The following WFDC6 variants were observed in gnomAD, a reference collection of about 807,000 sequenced individuals.
The protein encoded by WFDC6 is WAP four-disulfide core domain 6, also known as WAP four-disulfide core domain protein 6.
WFDC6 carries 10 observed loss-of-function variants against 8.2 expected under a neutral mutation model. That is an observed-to-expected ratio of 1.22 (90% CI 0.75 to 2.07). The LOEUF (loss-of-function observed/expected upper bound fraction) is 2.07. Among genes scored for constraint, WFDC6 ranks in the 30% most tolerant of loss-of-function variants. WFDC6 has a pLI of 0.00. For missense variants in WFDC6, 105 were observed against 104.9 expected, an observed-to-expected ratio of 1.00 and a Z score of 0.00; for synonymous variants, 28 against 37.0, an observed-to-expected ratio of 0.76 and a Z score of 0.88.
chr20:45,535,274 C>A (rs770542805), intron 2 of WFDC6: 27 of 1,304,100 alleles, frequency 2.1e-5, no homozygotes, highest in Non-Finnish European at 2.7e-5. Flanking sequence ...TATTGTACCA[C>A]CAGTGTGGTA....
intron 1 of WFDC6, among the ~76,000 whole-genome samples, chr20:45,539,017 T>G (rs1979480730): frequency 6.6e-6 from 1 of 152,136 alleles, no homozygotes; most frequent in African/African-American, 2.4e-5. Flanking sequence ...CTGTTTTTCT[T>G]GTGGGAGACT....
chr20:45,537,862 G>A, intron 2 of WFDC6, 102 bp downstream of exon 2: 1 of 1,579,254 alleles, frequency 6.3e-7, no homozygotes. Flanking sequence ...CTAAACTCTT[G>A]GTCAGAGACC....
At chr20:45,535,097 C>A in intron 2 of WFDC6, 2 of 1,262,986 alleles carry the variant, frequency 1.6e-6, no homozygotes, top group Non-Finnish European at 1.0e-6. Flanking sequence ...AATAGACCAG[C>A]CAACACCCAG....
intron 2 of WFDC6, chr20:45,537,431 A>G (rs777806648): frequency 1.7e-6 from 2 of 1,158,850 alleles, no homozygotes; most frequent in Non-Finnish European, 2.5e-6. Flanking sequence ...GAATGAATAG[A>G]ATGAACGAAT....
At chr20:45,535,307 C>T (rs1600869479) in intron 2 of WFDC6, 1 of 1,303,976 alleles carries the variant, frequency 7.7e-7, no homozygotes. Context: ...AGGGGCCAGC[C>T]TCCTGTGGCA....
intron 2 of WFDC6, chr20:45,537,696 T>C (rs1979419753): frequency 1.8e-6 from 2 of 1,127,174 alleles, no homozygotes; most frequent in South Asian, 2.8e-5. Flanking sequence ...GACCATGTGG[T>C]CCATTATCCA....
intron 2 of WFDC6, chr20:45,535,333 C>T: frequency 7.7e-7 from 1 of 1,301,488 alleles, no homozygotes; most frequent in South Asian, 1.2e-5. Context: ...CATATATCTG[C>T]AGGGAGATCG....
chr20:45,535,840 C>T (rs1405533852), intron 2 of WFDC6, among the ~76,000 whole-genome samples: 1 of 152,192 alleles, frequency 6.6e-6, no homozygotes, highest in African/African-American at 2.4e-5. Context: ...CTTCAGAATC[C>T]ATTTTCTCCT....
intron 2 of WFDC6, among the ~76,000 whole-genome samples, chr20:45,536,328 A>G (rs1206226208): frequency 6.6e-6 from 1 of 152,114 alleles, no homozygotes; most frequent in Non-Finnish European, 1.5e-5. Context: ...CCATAGTGCT[A>G]TGAGGTACAA....
chr20:45,536,404 C>G (rs1425201479), intron 2 of WFDC6, among the ~76,000 whole-genome samples: 1 of 152,082 alleles, frequency 6.6e-6, no homozygotes, highest in Non-Finnish European at 1.5e-5. Context: ...TGATTAGTGT[C>G]AGCACAACAA....
chr20:45,537,307 C>T (rs1280739671), intron 2 of WFDC6: 2 of 582,210 alleles, frequency 3.4e-6, no homozygotes, highest in Admixed American at 2.9e-5. Flanking sequence ...AAGTACTCAT[C>T]TTTCAGATCT....
intron 2 of WFDC6, 38 bp from the exon 3 acceptor site, chr20:45,534,543 C>A (rs1979292725): frequency 6.2e-7 from 1 of 1,611,084 alleles, no homozygotes; most frequent in Admixed American, 1.7e-5. Context: ...ATGCTTGGAC[C>A]CTGACCACAT....
Position 45,534,259 on chromosome 20 carries a change from G to A in WFDC6, c.*208C>T. 1 of 625,098 alleles carries A rather than the reference G, an allele frequency of 1.6e-6. No individual in the cohort carries two copies. Among genetic ancestry groups the A allele is most frequent in the South Asian group, 1.9e-5 (1 of 51,748 alleles). The allele number at this position is 625,098 out of a possible 1,614,324, so 38.7% of individuals were successfully genotyped here. ...CTTCATACAAATAAATGGGGGGTCT[G>A]AAAGTTGAAGACATAGAGTTTCATA... On this transcript the variant is annotated 3_prime_UTR_variant, in exon 3 of 3. Transcript: ENST00000372670.
chr20:45,535,979 A>G (rs1448124649), intron 2 of WFDC6, among the ~76,000 whole-genome samples: 1 of 152,224 alleles, frequency 6.6e-6, no homozygotes, highest in Non-Finnish European at 1.5e-5. Flanking sequence ...CCCTCTTGCT[A>G]AGTGAACTCT....
chr20:45,534,224 C>T lies in WFDC6; in HGVS notation c.*243G>A. ...GACCCCACAGAGCACTTTATTAAGG[C>T]AACTGAAGCCTTCATACAAATAAAT... On this transcript the variant is annotated 3_prime_UTR_variant, in exon 3 of 3. Coordinates refer to ENST00000372670, the MANE Select transcript of WFDC6 (RefSeq NM_080827.2). 1.8e-6 allele frequency: 1 copy of T among 570,294 alleles called. No homozygotes were observed. The highest frequency in any genetic ancestry group is 2.9e-5 in the East Asian group (1 of 33,958). The allele number at this position is 570,294 out of a possible 1,614,324, so 35.3% of individuals were successfully genotyped here. A position where few individuals can be genotyped will look rare whatever the true frequency, so the allele number is the denominator to read the frequency against.
chr20:45,535,422 T>C (rs1198877511), intron 2 of WFDC6: 9 of 1,190,436 alleles, frequency 7.6e-6, no homozygotes, highest in Non-Finnish European at 9.6e-6. Context: ...TCCCTTTGTC[T>C]CCACTGAGAA....
rs1979283294 is a variant in WFDC6, at chr20:45,534,228, T to A, written c.*239A>T. ...CCACAGAGCACTTTATTAAGGCAAC[T>A]GAAGCCTTCATACAAATAAATGGGG... On this transcript the variant is annotated 3_prime_UTR_variant, in exon 3 of 3. Coordinates refer to ENST00000372670, the MANE Select transcript of WFDC6 (RefSeq NM_080827.2). The A allele has an allele frequency of 1.7e-6, 1 of 577,624 alleles. No individual in the cohort carries two copies. The highest frequency in any genetic ancestry group is 2.1e-5 in the South Asian group (1 of 48,600). 35.8% of individuals were successfully genotyped at this position (577,624 alleles called of 1,614,324 possible).
Position 45,534,349 on chromosome 20 carries a change from A to G in WFDC6, c.*118T>C, listed in dbSNP as rs1453711516. The G allele has an allele frequency of 2.5e-6, 3 of 1,180,454 alleles. No individual in the cohort carries two copies. The Admixed American group carries it at 5.1e-5, about 20-fold the overall frequency. 73.1% of individuals were successfully genotyped at this position (1,180,454 alleles called of 1,614,324 possible). A position where few individuals can be genotyped will look rare whatever the true frequency, so the allele number is the denominator to read the frequency against. ...GATGCTACGCTGGAAGAAAGTGTGT[A>G]AGCAATTCCTGGGGTTCAGTTTCTG... On this transcript the variant is annotated 3_prime_UTR_variant, in exon 3 of 3. Coordinates refer to ENST00000372670, the MANE Select transcript of WFDC6 (RefSeq NM_080827.2).
chr20:45,537,641 T>C, intron 2 of WFDC6: 3 of 1,355,880 alleles, frequency 2.2e-6, no homozygotes, highest in Middle Eastern at 1.9e-4. Context: ...GATGAGACTT[T>C]GGTGACTACT....
Sources: gnomAD v4.1 joint callset for allele counts (sites outside exome capture counted in the v4.1 genomes callset) on GRCh38, gnomAD v4.1.1 for gene constraint, MANE v1.5 for transcripts, NCBI Gene and HGNC (gene_info 2026-07-23, HGNC 2026-07-21) for gene names.